GALNT13: variants seen among roughly 807,000 people sequenced by gnomAD.
GALNT13 encodes the protein UDP-GalNAc:polypeptide N-acetylgalactosaminyltransferase 13.
GALNT13 carries 28 observed loss-of-function variants against 64.2 expected under a neutral mutation model. That is an observed-to-expected ratio of 0.44 (90% CI 0.32 to 0.60). The LOEUF is 0.60. Ranked by LOEUF, GALNT13 falls within the 20% of genes least tolerant of loss-of-function variation. GALNT13 has a pLI of 0.05. For synonymous variants in GALNT13, 214 were observed against 224.6 expected (o/e 0.95, Z 0.42); for missense variants, 577 against 669.8 (o/e 0.86, Z 1.53).
intron 9 of GALNT13, among the ~76,000 whole-genome samples, chr2:154,320,508 AC>A (rs2105160517): frequency 6.6e-6 from 1 of 152,304 alleles, no homozygotes; most frequent in African/African-American, 2.4e-5. Context: ...GTTAGGGGCT[AC>A]ATTGTGCTCA....
the GALNT13 span, among the ~76,000 whole-genome samples, chr2:153,402,192 A>G: frequency 6.7e-6 from 1 of 148,808 alleles, no homozygotes; most frequent in South Asian, 2.2e-4. Context: ...TATGAAGCTT[A>G]GTTTGGCTGG....
At chr2:154,339,807 C>G (rs1326848693) in intron 9 of GALNT13, among the ~76,000 whole-genome samples, 1 of 152,002 alleles carries the variant, frequency 6.6e-6, no homozygotes, top group Non-Finnish European at 1.5e-5. Flanking sequence ...TGAGCTTTCT[C>G]TCTCTGTATA....
the GALNT13 span, among the ~76,000 whole-genome samples, chr2:153,400,754 G>A: frequency 6.6e-6 from 1 of 152,254 alleles, no homozygotes; most frequent in Admixed American, 6.5e-5. Context: ...TTGTATTTCT[G>A]TGGGATCGGT....
At chr2:153,894,847 G>T (rs1172117486) in intron 1 of GALNT13, among the ~76,000 whole-genome samples, 3 of 152,082 alleles carry the variant, frequency 2.0e-5, no homozygotes, top group African/African-American at 7.2e-5. Context: ...GTAAGGTTTA[G>T]TTTTTGTCTG....
chr2:153,556,951 A>G, the GALNT13 span, among the ~76,000 whole-genome samples: 1 of 152,138 alleles, frequency 6.6e-6, no homozygotes, highest in Non-Finnish European at 1.5e-5. Context: ...TTCCAATAAG[A>G]TATCCTAAAT....
intron 3 of GALNT13, among the ~76,000 whole-genome samples, chr2:153,998,220 C>G (rs973406561): frequency 5.3e-5 from 8 of 152,146 alleles, no homozygotes; most frequent in Non-Finnish European, 8.8e-5. Context: ...AATCGCCACA[C>G]TGTCTTCCAC....
chr2:153,772,350 C>T, the GALNT13 span, among the ~76,000 whole-genome samples: 1 of 152,322 alleles, frequency 6.6e-6, no homozygotes, highest in African/African-American at 2.4e-5. Context: ...CAAGTTTTCT[C>T]CAGGGCTTCA....
chr2:153,131,858 T>C, the GALNT13 span, among the ~76,000 whole-genome samples: 1 of 151,978 alleles, frequency 6.6e-6, no homozygotes, highest in Non-Finnish European at 1.5e-5. Context: ...GATGAGTGAC[T>C]TCATGAGTAT....
At chr2:153,762,111 G>T in the GALNT13 span, 1 of 152,170 alleles carries the variant, frequency 6.6e-6, no homozygotes, top group African/African-American at 2.4e-5. Flanking sequence ...GGCACTCCAT[G>T]CATACATAGA....
At chr2:153,565,772 G>A in the GALNT13 span, among the ~76,000 whole-genome samples, 1 of 152,052 alleles carries the variant, frequency 6.6e-6, no homozygotes, top group African/African-American at 2.4e-5. Flanking sequence ...ACCCAAGTAT[G>A]CACGTGCTTG....
At chr2:153,893,893 G>A (rs191159336) in intron 1 of GALNT13, among the ~76,000 whole-genome samples, 271 of 152,166 alleles carry the variant, frequency 1.8e-3, no homozygotes, top group African/African-American at 5.8e-3. Flanking sequence ...GGGTCAAAAA[G>A]TAAGGATATG....
chr2:153,630,779 A>ATATATATT, the GALNT13 span, among the ~76,000 whole-genome samples: 2 of 9,160 alleles, frequency 2.2e-4, no homozygotes, highest in African/African-American at 5.9e-4. Context: ...ATATATATAT[A>ATATATATT]TATATATATA....
At chr2:153,679,988 T>A in the GALNT13 span, among the ~76,000 whole-genome samples, 4 of 151,938 alleles carry the variant, frequency 2.6e-5, no homozygotes, top group African/African-American at 7.2e-5. Context: ...CATAGTTTTA[T>A]CTTCAGTATA....
chr2:154,313,446 ACAC>A (rs1380977389), intron 9 of GALNT13, among the ~76,000 whole-genome samples: 67 of 149,818 alleles, frequency 4.5e-4, no homozygotes, highest in African/African-American at 6.6e-4. Context: ...ATACACACAC[ACAC>A]AATATATATA....
chr2:153,169,633 C>A, the GALNT13 span, among the ~76,000 whole-genome samples: 4,058 of 152,204 alleles, frequency 0.027, 86 homozygotes, highest in Middle Eastern at 0.051. Context: ...TCAGAAGGAA[C>A]CACCAGCCTG....
intron 7 of GALNT13, among the ~76,000 whole-genome samples, chr2:154,252,578 G>A (rs999173486): frequency 3.3e-5 from 5 of 151,758 alleles, no homozygotes; most frequent in South Asian, 2.1e-4. Flanking sequence ...GGATGGTCTC[G>A]TTCTCCTGAC....
chr2:154,096,483 G>A (rs1702077188), intron 3 of GALNT13, among the ~76,000 whole-genome samples: 1 of 151,958 alleles, frequency 6.6e-6, no homozygotes, highest in African/African-American at 2.4e-5. Context: ...GATTCTCAAA[G>A]CCTTCTCATT....
chr2:154,219,659 T>A (rs1322386135), intron 4 of GALNT13, among the ~76,000 whole-genome samples: 1 of 152,132 alleles, frequency 6.6e-6, no homozygotes, highest in East Asian at 1.9e-4. Flanking sequence ...CTGCTCCAGT[T>A]GAGCAGTCTT....
chr2:153,853,392 A>T, the GALNT13 span, among the ~76,000 whole-genome samples: 1 of 152,164 alleles, frequency 6.6e-6, no homozygotes, highest in African/African-American at 2.4e-5. Flanking sequence ...ACACTTGCAC[A>T]CAAGTGTTAA....
Sources: gnomAD v4.1 joint callset for allele counts (sites outside exome capture counted in the v4.1 genomes callset) on GRCh38, gnomAD v4.1.1 for gene constraint, MANE v1.5 for transcripts, NCBI Gene and HGNC (gene_info 2026-07-23, HGNC 2026-07-21) for gene names.